The following RGS12 variants were observed in gnomAD, a reference collection of about 807,000 sequenced individuals.
RGS12 encodes regulator of G-protein signaling 12.
In RGS12, 66 loss-of-function variants were observed where a neutral mutation model predicts 120.1. That is an observed-to-expected ratio of 0.55 (90% CI 0.45 to 0.67). The LOEUF (loss-of-function observed/expected upper bound fraction) is 0.67. Ranked by LOEUF, RGS12 falls within the 30% of genes least tolerant of loss-of-function variation. The pLI, the probability that RGS12 is intolerant of heterozygous loss-of-function variation, is 0.00. For synonymous variants in RGS12, 827 were observed against 804.7 expected, an observed-to-expected ratio of 1.03 and a Z score of -0.47; for missense variants, 1,859 against 1,957.7, an observed-to-expected ratio of 0.95 and a Z score of 0.95.
At chr4:3,420,572 G>T in intron 9 of RGS12, 70 bp from the exon 10 acceptor site, 1 of 1,505,192 alleles carries the variant, frequency 6.6e-7, no homozygotes. Flanking sequence ...AAAGGGGGCA[G>T]AGGGTTGGGA....
At chr4:3,354,174 C>T (rs1386544027) in intron 3 of RGS12, among the ~76,000 whole-genome samples, 1 of 152,144 alleles carries the variant, frequency 6.6e-6, no homozygotes, top group Non-Finnish European at 1.5e-5. Flanking sequence ...GCTGGCTGCC[C>T]AGCCAGCTTG....
chr4:3,318,240 C>T (rs1381814346), intron 2 of RGS12, among the ~76,000 whole-genome samples, 189 bp downstream of exon 2: 2 of 152,142 alleles, frequency 1.3e-5, no homozygotes, highest in Non-Finnish European at 2.9e-5. Context: ...GACCTCTTGC[C>T]CCCTGCCCTG....
chr4:3,342,581 A>G, intron 2 of RGS12: 3 of 1,309,466 alleles, frequency 2.3e-6, no homozygotes, highest in Non-Finnish European at 3.0e-6. Context: ...CTCTCAGTGT[A>G]CTGTGTCCAC....
At chr4:3,322,463 G>T (rs946104348) in intron 2 of RGS12, among the ~76,000 whole-genome samples, 2 of 152,170 alleles carry the variant, frequency 1.3e-5, no homozygotes, top group Non-Finnish European at 2.9e-5. Flanking sequence ...AACAAAAGGG[G>T]CTGATGTGAA....
chr4:3,286,617 C>T, the RGS12 span, among the ~76,000 whole-genome samples: 1 of 152,300 alleles, frequency 6.6e-6, no homozygotes, highest in East Asian at 1.9e-4. Flanking sequence ...TGCTCTCCTC[C>T]CTCCCGCAGG....
At chr4:3,370,204 A>G (rs1716821357) in intron 3 of RGS12, 1 of 1,588,212 alleles carries the variant, frequency 6.3e-7, no homozygotes, top group Non-Finnish European at 8.6e-7. Context: ...TCTCACACGC[A>G]CAAGCTGCGG....
At chr4:3,298,980 C>G (rs1028713108) in intron 1 of RGS12, among the ~76,000 whole-genome samples, 7 of 152,200 alleles carry the variant, frequency 4.6e-5, no homozygotes, top group Non-Finnish European at 7.3e-5. Flanking sequence ...TTGGCTTCTT[C>G]CAACTATGGG....
Position 3,439,480 on chromosome 4 carries a change from C to A in RGS12, c.4140C>A (p.Asp1380Glu), listed in dbSNP as rs376447089. 1.2e-6 allele frequency: 2 copies of A among 1,612,844 alleles called. No individual in the cohort carries two copies. The highest frequency in any genetic ancestry group is 3.3e-5 in the Admixed American group (2 of 60,020). Residue 1380 changes from aspartate to glutamate, a missense_variant, in exon 18 of 18, where the codon GAC becomes GAA. Physicochemically the swap from Asp to Glu is conservative, Grantham distance 45. Coordinates refer to ENST00000336727, the MANE Select transcript of RGS12 (RefSeq NM_001394154.1). ...RPGSGTHGSRDLPVNRIIDVD... is the reference protein window; with the variant it reads ...RPGSGTHGSRELPVNRIIDVD... ...GAAGTGGGACCCATGGCAGCCGAGA[C>A]CTCCCAGTCAACAGAATCATCGATG...
At chr4:3,318,158 C>T (rs1724932442) in intron 2 of RGS12, 107 bp downstream of exon 2, 3 of 1,042,922 alleles carry the variant, frequency 2.9e-6, no homozygotes, top group Non-Finnish European at 4.2e-6. Flanking sequence ...CTTCCTCCTG[C>T]TGGCCCTGTG....
At chr4:3,352,566 G>A (rs568602593) in intron 3 of RGS12, among the ~76,000 whole-genome samples, 3 of 152,308 alleles carry the variant, frequency 2.0e-5, no homozygotes, top group African/African-American at 7.2e-5. Flanking sequence ...CATATTCAGG[G>A]AAGTAGTGGA....
chr4:3,302,245 G>A (rs1275658625), intron 1 of RGS12, among the ~76,000 whole-genome samples: 2 of 152,194 alleles, frequency 1.3e-5, no homozygotes, highest in African/African-American at 4.8e-5. Context: ...CGTGTGTCCT[G>A]TTCACTTTTC....
chr4:3,298,995 A>G (rs1171197676), intron 1 of RGS12, among the ~76,000 whole-genome samples: 3 of 152,184 alleles, frequency 2.0e-5, no homozygotes, highest in Non-Finnish European at 2.9e-5. Context: ...TATGGGCCAC[A>G]TCTTCCTGTT....
intron 1 of RGS12, among the ~76,000 whole-genome samples, chr4:3,307,342 C>T (rs925400408): frequency 5.3e-5 from 8 of 152,306 alleles, no homozygotes; most frequent in African/African-American, 9.6e-5. Flanking sequence ...GCATGAGGTC[C>T]GTCTCCACCA....
intron 2 of RGS12, 43 bp from the exon 3 acceptor site, chr4:3,342,894 C>T (rs751833857): frequency 1.5e-6 from 2 of 1,347,498 alleles, no homozygotes; most frequent in South Asian, 2.3e-5. Context: ...CTAAACATCT[C>T]TTTGCAAAAG....
At chr4:3,397,462 C>T (rs1017065075) in intron 4 of RGS12, among the ~76,000 whole-genome samples, 10 of 152,096 alleles carry the variant, frequency 6.6e-5, no homozygotes, top group African/African-American at 1.9e-4. Context: ...GCCAGGGGGT[C>T]GCGAGGAACC....
intron 14 of RGS12, among the ~76,000 whole-genome samples, chr4:3,427,143 C>T (rs1385380434): frequency 2.0e-5 from 3 of 152,208 alleles, no homozygotes; most frequent in Non-Finnish European, 1.5e-5. Flanking sequence ...GAAAGCCTTA[C>T]GCTGGGCCCT....
chr4:3,298,673 T>C (rs1483683895), intron 1 of RGS12, among the ~76,000 whole-genome samples: 1 of 152,238 alleles, frequency 6.6e-6, no homozygotes. Flanking sequence ...GCAGTTTGAT[T>C]GTGATGTTCT....
At chr4:3,355,403 A>T (rs181691343) in intron 3 of RGS12, among the ~76,000 whole-genome samples, 1 of 152,354 alleles carries the variant, frequency 6.6e-6, no homozygotes, top group Admixed American at 6.5e-5. Context: ...GTACTAAGAA[A>T]GTAAAAACAA....
In RGS12 at chr4:3,436,025, C is replaced by G. The variant is rs560064354; in HGVS notation, c.4115-3430C>G. Among the ~76,000 whole-genome samples the G allele has an allele frequency of 4.7e-4, 71 of 152,362 alleles. 1 individual carries two copies. The highest frequency in any genetic ancestry group is 1.6e-3 in the African/African-American group (68 of 41,576). ...GCACCCTGCTGGGCGCTGTCCACTCCCTCGCCAATGCCCAGCAAATATTTG... is the reference window on the plus strand; with the variant it reads ...GCACCCTGCTGGGCGCTGTCCACTCGCTCGCCAATGCCCAGCAAATATTTG... On this transcript the variant is annotated intron_variant, in intron 17 of 17. Coordinates refer to ENST00000336727, the MANE Select transcript of RGS12 (RefSeq NM_001394154.1).
Sources: gnomAD v4.1 joint callset for allele counts (sites outside exome capture counted in the v4.1 genomes callset) on GRCh38, gnomAD v4.1.1 for gene constraint, MANE v1.5 for transcripts, NCBI Gene and HGNC (gene_info 2026-07-23, HGNC 2026-07-21) for gene names.